SOS1: variants seen among roughly 807,000 people sequenced by gnomAD.
The protein encoded by SOS1 is son of sevenless homolog 1.
A neutral mutation model predicts 157.6 loss-of-function variants in SOS1; 25 were observed. The ratio of observed to expected loss-of-function variants is 0.16; its 90% CI spans 0.12 to 0.22. The LOEUF is 0.22. Ranked by LOEUF, SOS1 falls within the 10% of genes least tolerant of loss-of-function variation. SOS1 has a pLI of 1.00. For synonymous variants in SOS1, 528 were observed against 534.0 expected (o/e 0.99, Z 0.16); for missense variants, 1,237 against 1,599.1 (o/e 0.77, Z 3.86).
At chr2:38,988,622 G>A (rs1200621317) in intron 21 of SOS1, among the ~76,000 whole-genome samples, 2 of 151,414 alleles carry the variant, frequency 1.3e-5, no homozygotes, top group Admixed American at 1.3e-4. Context: ...TTTTTCTTAA[G>A]AATATAGTTA....
chr2:39,045,273 A>AGAGAGAGAGAGAGT (rs138343013), intron 6 of SOS1, among the ~76,000 whole-genome samples: 3 of 108,088 alleles, frequency 2.8e-5, no homozygotes, highest in South Asian at 6.6e-4. Flanking sequence ...AGAGAGAGAG[A>AGAGAGAGAGAGAGT]GTGTGTGTGT....
At chr2:39,103,369 G>A (rs1673045626) in intron 1 of SOS1, among the ~76,000 whole-genome samples, 1 of 151,996 alleles carries the variant, frequency 6.6e-6, no homozygotes. Flanking sequence ...AAAAAAAAAA[G>A]TTGGAACACT....
chr2:38,996,535 G>A (rs937589723), intron 19 of SOS1, among the ~76,000 whole-genome samples: 16 of 152,122 alleles, frequency 1.1e-4, no homozygotes, highest in African/African-American at 3.9e-4. Context: ...GCAAAACTTG[G>A]TATTTTATGG....
upstream of SOS1, among the ~76,000 whole-genome samples, chr2:39,122,515 T>C (rs549361470): frequency 1.3e-3 from 194 of 150,714 alleles, 1 homozygote; most frequent in African/African-American, 4.6e-3. Flanking sequence ...ACGCCTGTAA[T>C]CCCAGCACTT....
Position 38,985,868 on chromosome 2 carries a change from G to C in SOS1, c.3958C>G (p.His1320Asp). 1 of 1,613,806 alleles carries C rather than the reference G, an allele frequency of 6.2e-7. No individual in the cohort carries two copies. The highest frequency in any genetic ancestry group is 1.1e-5 in the South Asian group (1 of 91,084). The part of the protein sequence containing the change: ...YKREHTHPSM[H>D]RDGPPLLENA... ...TCCAACAGTGGTGGTCCATCTCTGT[G>C]CATGGATGGGTGTGTGTGCTCCCTT... Residue 1320 changes from histidine to aspartate, a missense_variant, in exon 23 of 23, where the codon CAC becomes GAC. His to Asp is a moderately conservative substitution (Grantham distance 81). Coordinates refer to ENST00000402219, the MANE Select transcript of SOS1 (RefSeq NM_005633.4).
Position 39,111,027 on chromosome 2 carries a change from G to GT in SOS1, c.87+9308dup, listed in dbSNP as rs1673413096. ...GCAGGTGGATCACCTGAGGTCAAGA[G>GT]TTTGAGACCAGCCTGGCCAACATGG... On this transcript the variant is annotated intron_variant, in intron 1 of 22. Transcript: ENST00000402219. 3.3e-5 allele frequency among the ~76,000 whole-genome samples: 5 copies of GT among 152,082 alleles called. No homozygotes were observed. In the South Asian group the frequency reaches 1.0e-3, roughly 32 times the overall value.
chr2:39,118,244 A>G (rs891309190), intron 1 of SOS1, among the ~76,000 whole-genome samples: 3 of 152,248 alleles, frequency 2.0e-5, no homozygotes, highest in African/African-American at 7.2e-5. Flanking sequence ...TAGCATATCC[A>G]AAGAGCCTCA....
rs1245953394 is a variant in SOS1 at position 39,022,758 on chromosome 2, G to A, written c.1670C>T (p.Thr557Ile). Reference protein sequence around the residue: ...RSTLERMLDVTMLQEEKEEQM... With the variant: ...RSTLERMLDVIMLQEEKEEQM... Reference sequence around the variant, plus strand: ...CTCCTCTTTCTCTTCCTGTAGCATTGTTACATCAAGCATCCTTTCCAGTGT... The same window carrying A: ...CTCCTCTTTCTCTTCCTGTAGCATTATTACATCAAGCATCCTTTCCAGTGT... Residue 557 changes from threonine (T) to isoleucine (I), a missense_variant, in exon 10 of 23, where the codon ACA becomes ATA. By Grantham distance (89) the Thr-to-Ile change is moderately conservative. This residue lies in a region of SOS1 where 210 missense variants were observed against 220.2 expected (regional missense o/e 0.95). Transcript: ENST00000402219. The A allele has an allele frequency of 1.2e-6, 2 of 1,613,586 alleles. No individual in the cohort carries two copies. The highest frequency in any genetic ancestry group is 2.2e-5 in the East Asian group (1 of 44,862).
chr2:38,997,097 T>C (rs1367472224), intron 18 of SOS1, 59 bp from the exon 19 acceptor site: 2 of 1,105,096 alleles, frequency 1.8e-6, no homozygotes, highest in African/African-American at 3.2e-5. Context: ...CAGTTTGAAA[T>C]TCATGGAAAG....
At chr2:39,074,640 G>C (rs1051938476) in intron 1 of SOS1, among the ~76,000 whole-genome samples, 1 of 152,170 alleles carries the variant, frequency 6.6e-6, no homozygotes, top group East Asian at 1.9e-4. Context: ...GGTCGAGGCA[G>C]GCAGATCACC....
At chr2:38,990,553 G>A (rs1042394205) in intron 20 of SOS1, among the ~76,000 whole-genome samples, 3 of 152,162 alleles carry the variant, frequency 2.0e-5, no homozygotes, top group Admixed American at 6.5e-5. Context: ...TAGCTCTAGC[G>A]TTTACCCTAC....
intron 6 of SOS1, among the ~76,000 whole-genome samples, chr2:39,046,406 AAACTT>A (rs1670785200): frequency 6.6e-6 from 1 of 152,146 alleles, no homozygotes; most frequent in South Asian, 2.1e-4. Context: ...GAAAAACTTT[AAACTT>A]ATTTTTAAAA....
At chr2:39,041,905 G>A (rs558582433) in intron 6 of SOS1, among the ~76,000 whole-genome samples, 1 of 152,182 alleles carries the variant, frequency 6.6e-6, no homozygotes, top group South Asian at 2.1e-4. Flanking sequence ...TACTTTCTGT[G>A]AATTATGTGT....
At chr2:39,035,161 A>G in intron 8 of SOS1, 51 bp downstream of exon 8, 1 of 1,317,302 alleles carries the variant, frequency 7.6e-7, no homozygotes, top group South Asian at 1.2e-5. Flanking sequence ...GTAGCAAAAA[A>G]AAAAATTCAC....
intron 1 of SOS1, among the ~76,000 whole-genome samples, chr2:39,119,605 G>A (rs563613155): frequency 1.3e-5 from 2 of 152,176 alleles, no homozygotes; most frequent in Non-Finnish European, 2.9e-5. Flanking sequence ...CTTTAAAAAC[G>A]TAAGAACACT....
At chr2:39,106,222 T>C (rs1027583926) in intron 1 of SOS1, among the ~76,000 whole-genome samples, 1 of 150,774 alleles carries the variant, frequency 6.6e-6, no homozygotes, top group African/African-American at 2.4e-5. Flanking sequence ...CAAATCAGCA[T>C]GAAGCATTAA....
chr2:39,122,388 C>T (rs920705020), upstream of SOS1, among the ~76,000 whole-genome samples: 2 of 151,372 alleles, frequency 1.3e-5, no homozygotes, highest in African/African-American at 4.9e-5. Context: ...CGGGATCATG[C>T]CACTGCACTC....
chr2:39,035,576 T>A, intron 6 of SOS1, 76 bp from the exon 7 acceptor site: 2 of 1,016,166 alleles, frequency 2.0e-6, no homozygotes. Context: ...GGGGCACGAC[T>A]ATGCGAGCAC....
chr2:39,090,533 TAAA>T (rs1672554156), intron 1 of SOS1, among the ~76,000 whole-genome samples: 1 of 150,324 alleles, frequency 6.7e-6, no homozygotes, highest in South Asian at 2.1e-4. Context: ...CCATCTCTAT[TAAA>T]AATACAAAAA....
Sources: gnomAD v4.1 joint callset for allele counts (sites outside exome capture counted in the v4.1 genomes callset) on GRCh38, gnomAD v4.1.1 for gene constraint, gnomAD v4.1.1 regional missense constraint, MANE v1.5 for transcripts, NCBI Gene and HGNC (gene_info 2026-07-23, HGNC 2026-07-21) for gene names.